The following TAFA2 variants were observed in gnomAD, a reference collection of about 807,000 sequenced individuals.
TAFA2 encodes the protein chemokine-like protein TAFA-2.
In TAFA2, 7 loss-of-function variants were observed where a neutral mutation model predicts 18.8. The ratio of observed to expected loss-of-function variants is 0.37; its 90% CI spans 0.21 to 0.70. The LOEUF (loss-of-function observed/expected upper bound fraction) is 0.70, where lower values mean the gene tolerates loss of function less well. TAFA2 is among the 30% of genes least tolerant of loss of function. The pLI, the probability that TAFA2 is intolerant of heterozygous loss-of-function variation, is 0.53. For synonymous variants in TAFA2, 60 were observed against 54.2 expected (o/e 1.11, Z -0.47); for missense variants, 122 against 158.1 (o/e 0.77, Z 1.23).
chr12:62,137,627 C>T (rs536993209), intron 1 of TAFA2, among the ~76,000 whole-genome samples: 3 of 152,082 alleles, frequency 2.0e-5, no homozygotes, highest in Non-Finnish European at 4.4e-5. Context: ...AACTAATCCA[C>T]TCAAAAGAAT....
At chr12:61,959,812 T>C (rs1037283408) in intron 1 of TAFA2, among the ~76,000 whole-genome samples, 1 of 152,108 alleles carries the variant, frequency 6.6e-6, no homozygotes, top group East Asian at 1.9e-4. Context: ...ATTTAAACAT[T>C]TGCAATGATT....
At chr12:62,061,558 C>T (rs1882349729) in intron 1 of TAFA2, among the ~76,000 whole-genome samples, 1 of 151,996 alleles carries the variant, frequency 6.6e-6, no homozygotes, top group Non-Finnish European at 1.5e-5. Context: ...ATGCTACCAT[C>T]GGGTAATGAA....
chr12:61,999,640 C>T (rs924483056), intron 1 of TAFA2, among the ~76,000 whole-genome samples: 1 of 152,128 alleles, frequency 6.6e-6, no homozygotes, highest in East Asian at 1.9e-4. Flanking sequence ...TCCACCTGTG[C>T]CTGTTTCTGT....
intron 1 of TAFA2, among the ~76,000 whole-genome samples, chr12:62,133,520 G>A (rs554767157): frequency 6.6e-6 from 1 of 152,122 alleles, no homozygotes; most frequent in Non-Finnish European, 1.5e-5. Context: ...TAGAGAGGGA[G>A]ATTTCCTCAA....
intron 1 of TAFA2, chr12:61,880,159 C>G: frequency 9.0e-6 from 5 of 555,724 alleles, no homozygotes; most frequent in South Asian, 5.1e-5. Flanking sequence ...CTAAGGCTGA[C>G]AGCATGTACC....
chr12:61,863,562 C>T (rs1178227199), intron 2 of TAFA2, among the ~76,000 whole-genome samples: 1 of 152,116 alleles, frequency 6.6e-6, no homozygotes, highest in Non-Finnish European at 1.5e-5. Flanking sequence ...TCTTACTATT[C>T]CTCTTCAAGT....
At chr12:62,142,493 A>T (rs10877800) in intron 1 of TAFA2, among the ~76,000 whole-genome samples, 18,420 of 152,152 alleles carry the variant, frequency 0.12, 1,505 homozygotes, top group East Asian at 0.34. Context: ...TCAGAAAAAA[A>T]ACTGGAGCCT....
intron 1 of TAFA2, among the ~76,000 whole-genome samples, chr12:62,168,945 T>TACACACACACACACACAC (rs147184565): frequency 6.0e-4 from 90 of 148,936 alleles, no homozygotes; most frequent in African/African-American, 2.0e-3. Flanking sequence ...ACTCACTCTC[T>TACACACACACACACACAC]ACACACACAC....
intron 4 of TAFA2, among the ~76,000 whole-genome samples, chr12:61,752,105 G>A (rs904412458): frequency 1.3e-5 from 2 of 151,912 alleles, no homozygotes; most frequent in Admixed American, 1.3e-4. Flanking sequence ...ATATGTCCTT[G>A]GGAAGTTACA....
At chr12:61,900,023 G>C (rs1363067097) in intron 1 of TAFA2, among the ~76,000 whole-genome samples, 2 of 152,218 alleles carry the variant, frequency 1.3e-5, no homozygotes, top group East Asian at 3.9e-4. Flanking sequence ...GGTTTGTGTT[G>C]TTGCATCCAG....
chr12:62,181,926 T>C (rs10784286), intron 1 of TAFA2, among the ~76,000 whole-genome samples: 78,810 of 151,764 alleles, frequency 0.52, 21,853 homozygotes, highest in East Asian at 0.69. Flanking sequence ...AAGGAAGAGA[T>C]ATTCATTTTA....
At chr12:62,120,827 T>TTTA (rs547895505) in intron 1 of TAFA2, among the ~76,000 whole-genome samples, 2,161 of 150,946 alleles carry the variant, frequency 0.014, 43 homozygotes, top group African/African-American at 0.049. Flanking sequence ...TTATGGTTTC[T>TTTA]TTATTATTAT....
rs534573563 is a variant in TAFA2, at chr12:62,156,950, AT to A, written c.-2+34308del. On this transcript the variant is annotated intron_variant, in intron 1 of 4. Transcript: ENST00000416284. Reference sequence around the variant, plus strand: ...ATAATTTAAGGCACAGTATAATAGGATTTTTTTTACTCTTTGCTTTATTTCT... The same window carrying A: ...ATAATTTAAGGCACAGTATAATAGGATTTTTTTACTCTTTGCTTTATTTCT... 2.0e-3 allele frequency among the ~76,000 whole-genome samples: 307 copies of A among 152,060 alleles called. 2 individuals carry two copies. The highest frequency in any genetic ancestry group is 6.7e-3 in the African/African-American group (276 of 41,490).
chr12:62,083,248 T>G (rs183093235), intron 1 of TAFA2, among the ~76,000 whole-genome samples: 83 of 151,924 alleles, frequency 5.5e-4, no homozygotes, highest in African/African-American at 1.6e-3. Context: ...TATGAGCTTA[T>G]CTGAATCATT....
At chr12:61,926,869 A>G (rs940696491) in intron 1 of TAFA2, among the ~76,000 whole-genome samples, 1 of 151,886 alleles carries the variant, frequency 6.6e-6, no homozygotes, top group Non-Finnish European at 1.5e-5. Flanking sequence ...TCAAGAGATC[A>G]AGACCATCCT....
Position 61,708,925 on chromosome 12 carries a change from G to A in TAFA2, c.*1481C>T, listed in dbSNP as rs938103809. On this transcript the variant is annotated 3_prime_UTR_variant, in exon 5 of 5. Coordinates refer to ENST00000416284, the MANE Select transcript of TAFA2 (RefSeq NM_178539.5). ...CGTCAGTGAGTTTTTAGAATACAAA[G>A]TATTTCCATACCTTCTTCCATACCA... 7 of 152,246 alleles carry A rather than the reference G, an allele frequency of 4.6e-5. No homozygotes were observed. The highest frequency in any genetic ancestry group is 1.7e-4 in the African/African-American group (7 of 41,416). 9.4% of individuals were successfully genotyped at this position (152,246 alleles called of 1,614,324 possible).
At chr12:62,015,371 T>G (rs1319145893) in intron 1 of TAFA2, among the ~76,000 whole-genome samples, 4 of 152,186 alleles carry the variant, frequency 2.6e-5, no homozygotes, top group Non-Finnish European at 5.9e-5. Flanking sequence ...TGCATATGCT[T>G]ATAATCTTTG....
At chr12:62,201,633 G>C (rs2062671480) in intron 1 of TAFA2, among the ~76,000 whole-genome samples, 1 of 152,152 alleles carries the variant, frequency 6.6e-6, no homozygotes, top group East Asian at 1.9e-4. Flanking sequence ...TGCTGCATTT[G>C]ATTTGCCAGT....
chr12:62,056,382 A>G (rs1348645466), intron 1 of TAFA2, among the ~76,000 whole-genome samples: 1 of 152,262 alleles, frequency 6.6e-6, no homozygotes, highest in African/African-American at 2.4e-5. Context: ...ATATTTAGAC[A>G]TTGAAAAGTT....
Sources: allele counts gnomAD v4.1 joint callset (sites outside exome capture counted in the v4.1 genomes callset), GRCh38; gene constraint gnomAD v4.1.1; transcripts MANE v1.5; gene names NCBI Gene and HGNC (gene_info 2026-07-23, HGNC 2026-07-21).